ZFHX4: variants seen among roughly 807,000 people sequenced by gnomAD.
ZFHX4 encodes the protein zinc finger homeobox 4.
ZFHX4 carries 56 observed loss-of-function variants against 267.6 expected under a neutral mutation model. The ratio of observed to expected loss-of-function variants is 0.21; its 90% CI spans 0.17 to 0.26. The LOEUF is 0.26. Among genes scored for constraint, ZFHX4 ranks in the 10% least tolerant of loss-of-function variants. The pLI is 1.00. For missense variants in ZFHX4, 4,332 were observed against 4,420.0 expected, an observed-to-expected ratio of 0.98 and a Z score of 0.56; for synonymous variants, 1,778 against 1,665.6, an observed-to-expected ratio of 1.07 and a Z score of -1.64.
chr8:76,817,501 A>G (rs902869030), intron 4 of ZFHX4, among the ~76,000 whole-genome samples: 4 of 152,166 alleles, frequency 2.6e-5, no homozygotes, highest in African/African-American at 9.7e-5. Flanking sequence ...TTTTATTACC[A>G]TTTTGCAATA....
At chr8:76,703,416 T>G (rs1808155533) in intron 1 of ZFHX4, among the ~76,000 whole-genome samples, 6 of 152,218 alleles carry the variant, frequency 3.9e-5, no homozygotes, top group Admixed American at 3.9e-4. Flanking sequence ...TGATTGGTGC[T>G]TAATCAGGGC....
chr8:76,787,882 A>AATG (rs1051060747), intron 4 of ZFHX4, among the ~76,000 whole-genome samples: 1 of 151,852 alleles, frequency 6.6e-6, no homozygotes, highest in Non-Finnish European at 1.5e-5. Flanking sequence ...AATGATTAAT[A>AATG]ATGATGATGA....
chr8:76,806,772 T>C (rs537697908), intron 4 of ZFHX4, among the ~76,000 whole-genome samples: 1 of 152,184 alleles, frequency 6.6e-6, no homozygotes, highest in Admixed American at 6.6e-5. Flanking sequence ...AAATCCAAAA[T>C]GTTTTTGATT....
chr8:76,801,473 T>C (rs1192545633), intron 4 of ZFHX4, among the ~76,000 whole-genome samples: 6 of 152,164 alleles, frequency 3.9e-5, no homozygotes, highest in African/African-American at 1.4e-4. Context: ...GTCCACAGAG[T>C]AATGCATCAT....
In ZFHX4 at chr8:76,854,299, G is replaced by C. The variant is rs984136010; in HGVS notation, c.7378G>C (p.Gly2460Arg). The change falls in exon 10 of 11, where the codon GGA becomes CGA. Residue 2460 changes from glycine to arginine, a missense_variant. This residue lies in a region of ZFHX4 where 1,648 missense variants were observed against 1,625.0 expected (regional missense o/e 1.01). Coordinates refer to ENST00000651372, the MANE Select transcript of ZFHX4 (RefSeq NM_024721.5). ...GCCACCAAAACAACCCCAACTTATC[G>C]GAAGACCTCCCTCGGCCTCTCAAAC... ...PQPPKQPQLI[G>R]RPPSASQTPV... 2 of 1,609,058 alleles carry C rather than the reference G, an allele frequency of 1.2e-6. No homozygotes were observed.
intron 4 of ZFHX4, among the ~76,000 whole-genome samples, chr8:76,791,778 A>C (rs1017391394): frequency 2.6e-5 from 4 of 152,126 alleles, no homozygotes; most frequent in Non-Finnish European, 5.9e-5. Context: ...GTAACTTTTA[A>C]AATTCTATGG....
At chr8:76,793,442 C>T (rs1046326051) in intron 4 of ZFHX4, among the ~76,000 whole-genome samples, 1 of 151,980 alleles carries the variant, frequency 6.6e-6, no homozygotes, top group African/African-American at 2.4e-5. Flanking sequence ...GTTAAAAATC[C>T]CTACTTGATT....
chr8:76,817,730 C>A (rs1243272831), intron 4 of ZFHX4, among the ~76,000 whole-genome samples: 1 of 152,184 alleles, frequency 6.6e-6, no homozygotes, highest in Non-Finnish European at 1.5e-5. Context: ...CCGTGAAGAA[C>A]TTGTCTCCCT....
At chr8:76,838,781 C>T (rs1473756124) in intron 5 of ZFHX4, among the ~76,000 whole-genome samples, 4 of 152,016 alleles carry the variant, frequency 2.6e-5, no homozygotes, top group Admixed American at 2.6e-4. Context: ...AAGGGCCAGG[C>T]ACGGTGGCTC....
chr8:76,849,954 A>G, intron 8 of ZFHX4: 1 of 585,128 alleles, frequency 1.7e-6, no homozygotes. Flanking sequence ...TTATATCTAT[A>G]ATGTTCATCA....
In ZFHX4 at chr8:76,796,729, C is replaced by T. The variant is rs73237579; in HGVS notation, c.3325+18290C>T. ...GGCTGGGTCTGAAAACTTAAAGTGT[C>T]CAATTTCTTATTTGTAATGTTTTTT... On this transcript the variant is annotated intron_variant, in intron 4 of 10. Transcript: ENST00000651372. Among the ~76,000 whole-genome samples, 659 of 152,210 alleles carry T rather than the reference C, an allele frequency of 4.3e-3. 9 individuals are homozygous for T. The highest frequency in any genetic ancestry group is 0.015 in the African/African-American group (621 of 41,532).
rs779863645 is a variant in ZFHX4 at position 76,778,318 on chromosome 8, G to C, written c.3204G>C (p.Ser1068=). The part of the protein sequence containing the change: ...VKLNLVQHVR[S]VKHQQTEGLR... ...TGAATCTGGTACAACATGTCCGTTC[G>C]GTGAAGCATCAGCAGACTGAGGGCC... is the stretch of plus-strand genomic sequence containing the variant. Residue 1068 remains serine (S), a synonymous_variant, in exon 4 of 11, where the codon TCG becomes TCC. Coordinates refer to ENST00000651372, the MANE Select transcript of ZFHX4 (RefSeq NM_024721.5). 3.1e-6 allele frequency: 5 copies of C among 1,613,804 alleles called. No homozygotes were observed. Among genetic ancestry groups the C allele is most frequent in the Non-Finnish European group, 2.5e-6 (3 of 1,179,780 alleles).
intron 3 of ZFHX4, among the ~76,000 whole-genome samples, chr8:76,735,549 A>C (rs545857876): frequency 3.3e-5 from 5 of 152,166 alleles, no homozygotes; most frequent in Non-Finnish European, 5.9e-5. Context: ...ATAATTAACT[A>C]TCCAGGAAAT....
chr8:76,846,049 C>A (rs914168502), intron 6 of ZFHX4, among the ~76,000 whole-genome samples: 2 of 151,916 alleles, frequency 1.3e-5, no homozygotes, highest in African/African-American at 4.8e-5. Context: ...TAAAACCTTC[C>A]TCAAATTAAT....
Position 76,856,153 on chromosome 8 carries a change from G to T in ZFHX4, c.9232G>T (p.Val3078Leu), listed in dbSNP as rs1472328358. 2 of 1,613,992 alleles carry T rather than the reference G, an allele frequency of 1.2e-6. No homozygotes were observed. Among genetic ancestry groups the T allele is most frequent in the South Asian group, 2.2e-5 (2 of 91,086 alleles). ...AGCTTCAGACGTGCTGGGCTTGACG[G>T]TACAGCAGCCAGGCATGATGGACAG... ...KKASDVLGLT[V>L]QQPGMMDSSS... is the part of the protein sequence containing the mutation. The change falls in exon 10 of 11, where the codon GTA (valine) becomes TTA (leucine). Residue 3078 changes from valine (V) to leucine (L), a missense_variant. Transcript: ENST00000651372.
chr8:76,836,308 C>A (rs1812091731), intron 5 of ZFHX4, among the ~76,000 whole-genome samples: 1 of 152,108 alleles, frequency 6.6e-6, no homozygotes, highest in South Asian at 2.1e-4. Context: ...TGTAAGAATG[C>A]AAATTACTGA....
chr8:76,845,365 C>T (rs1812338594), intron 6 of ZFHX4, among the ~76,000 whole-genome samples: 1 of 151,964 alleles, frequency 6.6e-6, no homozygotes, highest in Non-Finnish European at 1.5e-5. Context: ...AATACATTTG[C>T]ATTGAAAATG....
intron 3 of ZFHX4, among the ~76,000 whole-genome samples, chr8:76,742,629 G>GT (rs1372591610): frequency 6.6e-6 from 1 of 152,194 alleles, no homozygotes; most frequent in East Asian, 1.9e-4. Context: ...TTCACTGTGA[G>GT]TATGTCTTCT....
intron 4 of ZFHX4, among the ~76,000 whole-genome samples, chr8:76,793,991 T>C (rs1810906354): frequency 6.6e-6 from 1 of 152,220 alleles, no homozygotes; most frequent in African/African-American, 2.4e-5. Flanking sequence ...CTGACCTTGA[T>C]GCCCGCTGGC....
Sources: allele counts gnomAD v4.1 joint callset (sites outside exome capture counted in the v4.1 genomes callset), GRCh38; gene constraint gnomAD v4.1.1; regional missense constraint gnomAD v4.1.1; transcripts MANE v1.5; gene names NCBI Gene and HGNC (gene_info 2026-07-23, HGNC 2026-07-21).